The following BMP2K variants were observed in gnomAD, a reference collection of about 807,000 sequenced individuals.
BMP2K encodes BMP2 inducible kinase.
A neutral mutation model predicts 116.0 loss-of-function variants in BMP2K; 74 were observed. The ratio of observed to expected loss-of-function variants is 0.64; its 90% CI spans 0.53 to 0.77. The LOEUF (loss-of-function observed/expected upper bound fraction) is 0.77. Among genes scored for constraint, BMP2K ranks in the 30% least tolerant of loss-of-function variants. The probability of loss-of-function intolerance (pLI) is 0.00; values close to 1 mark genes in which losing one functional copy is unlikely to be tolerated. For synonymous variants in BMP2K, 486 were observed against 502.5 expected (o/e 0.97, Z 0.44); for missense variants, 1,365 against 1,403.6 (o/e 0.97, Z 0.44).
chr4:78,832,405 T>C (rs533051350), intron 2 of BMP2K, among the ~76,000 whole-genome samples: 1 of 152,302 alleles, frequency 6.6e-6, no homozygotes, highest in South Asian at 2.1e-4. Flanking sequence ...CTAACACACA[T>C]ATTACAATCC....
intron 1 of BMP2K, among the ~76,000 whole-genome samples, chr4:78,785,953 A>G (rs561217510): frequency 6.6e-6 from 1 of 152,256 alleles, no homozygotes; most frequent in African/African-American, 2.4e-5. Flanking sequence ...TCGTTACTCT[A>G]GGATTCAGGA....
chr4:78,805,240 T>C (rs1297333442), intron 1 of BMP2K, among the ~76,000 whole-genome samples: 1 of 152,244 alleles, frequency 6.6e-6, no homozygotes, highest in Non-Finnish European at 1.5e-5. Flanking sequence ...GGTGAATTTC[T>C]AGGCTCTGAG....
chr4:78,875,121 C>T (rs373948315), intron 13 of BMP2K, among the ~76,000 whole-genome samples: 6 of 152,138 alleles, frequency 3.9e-5, no homozygotes, highest in Non-Finnish European at 7.4e-5. Context: ...ACACTTGGTA[C>T]GTCAATGCTA....
chr4:78,863,925 C>A (rs747911027), intron 9 of BMP2K, among the ~76,000 whole-genome samples: 2 of 152,170 alleles, frequency 1.3e-5, no homozygotes, highest in Non-Finnish European at 2.9e-5. Flanking sequence ...CTTGACAGCA[C>A]TAGCTTGGCA....
chr4:78,791,092 C>T (rs908144438), intron 1 of BMP2K, among the ~76,000 whole-genome samples: 2 of 152,118 alleles, frequency 1.3e-5, no homozygotes, highest in African/African-American at 4.8e-5. Flanking sequence ...TATACCTTAA[C>T]AGTTTATATC....
intron 1 of BMP2K, among the ~76,000 whole-genome samples, chr4:78,795,779 C>T (rs1279526509): frequency 6.6e-6 from 1 of 152,146 alleles, no homozygotes; most frequent in Non-Finnish European, 1.5e-5. Context: ...CCAAAAAACA[C>T]ATGAAAAAAT....
Position 78,870,962 on chromosome 4 carries a change from C to A in BMP2K, c.1411C>A (p.Gln471Lys). Residue 471 changes from glutamine (Q) to lysine (K), a missense_variant, in exon 11 of 16, where the codon CAG becomes AAG. By Grantham distance (53) the Gln-to-Lys change is moderately conservative (BLOSUM62 1). Around this residue, in one of 3 missense-constraint regions of BMP2K, gnomAD observed 762 missense variants for 756.7 expected, o/e 1.01. Transcript: ENST00000502613. Reference protein sequence around the residue: ...QQQQQQQQQQQQQQQQQQQQQ... With the variant: ...QQQQQQQQQQKQQQQQQQQQQ... ...GCAGCAGCAGCAGCAGCAACAGCAA[C>A]AGCAGCAGCAGCAACAGCAACAGCA... is the stretch of plus-strand genomic sequence containing the variant. The A allele has an allele frequency of 6.2e-7, 1 of 1,610,692 alleles. No homozygotes were observed. Among genetic ancestry groups the A allele is most frequent in the Non-Finnish European group, 8.5e-7 (1 of 1,179,056 alleles).
At chr4:78,850,681 C>T (rs1310403036) in intron 6 of BMP2K, among the ~76,000 whole-genome samples, 1 of 151,778 alleles carries the variant, frequency 6.6e-6, no homozygotes, top group Non-Finnish European at 1.5e-5. Context: ...GAACCAGCTA[C>T]TTCTAATTTT....
intron 15 of BMP2K, 108 bp from the exon 16 acceptor site, chr4:78,910,502 A>G: frequency 1.1e-6 from 1 of 921,614 alleles, no homozygotes; most frequent in Non-Finnish European, 1.6e-6. Flanking sequence ...CTCTAAGGGA[A>G]CTCGTATGAG....
chr4:78,892,010 G>T (rs1205589734), intron 15 of BMP2K, among the ~76,000 whole-genome samples: 1 of 152,108 alleles, frequency 6.6e-6, no homozygotes, highest in Non-Finnish European at 1.5e-5. Context: ...GCTGTTTTCA[G>T]TCTTTAAAAG....
intron 1 of BMP2K, among the ~76,000 whole-genome samples, chr4:78,793,233 A>G (rs914072535): frequency 2.0e-5 from 3 of 151,918 alleles, no homozygotes; most frequent in Admixed American, 2.0e-4. Context: ...AACACGGTGA[A>G]ACCTTGTCTC....
intron 15 of BMP2K, among the ~76,000 whole-genome samples, chr4:78,895,821 G>A (rs1733672304): frequency 6.6e-6 from 1 of 152,050 alleles, no homozygotes; most frequent in Admixed American, 6.6e-5. Context: ...GAGTGCAGTG[G>A]CATGATCACG....
chr4:78,780,497 T>C (rs925998245), intron 1 of BMP2K, among the ~76,000 whole-genome samples: 2 of 152,218 alleles, frequency 1.3e-5, no homozygotes, highest in African/African-American at 4.8e-5. Context: ...GGTTGTACTA[T>C]ACATCTGATT....
At chr4:78,798,138 A>G (rs1728389411) in intron 1 of BMP2K, among the ~76,000 whole-genome samples, 1 of 152,200 alleles carries the variant, frequency 6.6e-6, no homozygotes, top group Non-Finnish European at 1.5e-5. Flanking sequence ...TAATAAGCTT[A>G]TCACTTAGGC....
rs1329006386 is a variant in BMP2K, at chr4:78,902,303, A to G, written c.2063-8307A>G. 7.9e-5 allele frequency among the ~76,000 whole-genome samples: 12 copies of G among 152,174 alleles called. No homozygotes were observed. In the South Asian group the frequency reaches 2.1e-3, roughly 26 times the overall value. On this transcript the variant is annotated intron_variant, in intron 15 of 15. Coordinates refer to ENST00000502613, the MANE Select transcript of BMP2K (RefSeq NM_198892.2). ...ATTAACCTATTTTAAAGAAAAATTT[A>G]TATTAATATGAGAACATAATGGAAA...
At chr4:78,898,422 G>A (rs547653107) in intron 15 of BMP2K, among the ~76,000 whole-genome samples, 1 of 151,858 alleles carries the variant, frequency 6.6e-6, no homozygotes, top group South Asian at 2.1e-4. Flanking sequence ...CAGGATGTTA[G>A]CAATAATAGT....
At chr4:78,796,095 T>C (rs995359743) in intron 1 of BMP2K, among the ~76,000 whole-genome samples, 3 of 152,118 alleles carry the variant, frequency 2.0e-5, no homozygotes, top group African/African-American at 4.8e-5. Flanking sequence ...TGCACACGTA[T>C]GTTTATCGCA....
intron 13 of BMP2K, among the ~76,000 whole-genome samples, chr4:78,874,175 TCACACACACACACA>T (rs148882911): frequency 6.7e-6 from 1 of 148,302 alleles, no homozygotes. Context: ...AGACTCCATC[TCACACACACACACA>T]CACACACACA....
At chr4:78,786,193 G>A (rs6838118) in intron 1 of BMP2K, among the ~76,000 whole-genome samples, 28,326 of 151,940 alleles carry the variant, frequency 0.19, 5,642 homozygotes, top group African/African-American at 0.5. Context: ...GGAAATGATT[G>A]GGTCATGAGA....
Sources: allele counts gnomAD v4.1 joint callset (sites outside exome capture counted in the v4.1 genomes callset), GRCh38; gene constraint gnomAD v4.1.1; regional missense constraint gnomAD v4.1.1; transcripts MANE v1.5; gene names NCBI Gene and HGNC (gene_info 2026-07-23, HGNC 2026-07-21).